BYSL: variants seen among roughly 807,000 people sequenced by gnomAD.
BYSL encodes the protein bystin.
In BYSL, 21 loss-of-function variants were observed where a neutral mutation model predicts 45.4. The ratio of observed to expected loss-of-function variants is 0.46; its 90% CI spans 0.33 to 0.67. The LOEUF is 0.67. Ranked by LOEUF, BYSL falls within the 30% of genes least tolerant of loss-of-function variation. The pLI, the probability that BYSL is intolerant of heterozygous loss-of-function variation, is 0.02. For synonymous variants in BYSL, 215 were observed against 231.3 expected (o/e 0.93, Z 0.64); for missense variants, 522 against 578.5 (o/e 0.90, Z 1.00).
intron 1 of BYSL, among the ~76,000 whole-genome samples, chr6:41,924,071 T>TC (rs1775529714): frequency 6.6e-6 from 1 of 151,826 alleles, no homozygotes; most frequent in South Asian, 2.1e-4. Flanking sequence ...TTATCTTTTT[T>TC]TTTTTTTTGA....
At chr6:41,919,929 C>T (rs1775416581), upstream of BYSL, among the ~76,000 whole-genome samples, 1 of 152,130 alleles carries the variant, frequency 6.6e-6, no homozygotes, top group Non-Finnish European at 1.5e-5. Context: ...ACCTGGGCTA[C>T]CAGGAGGAAA....
the BYSL span, among the ~76,000 whole-genome samples, chr6:41,912,287 C>A: frequency 2.1e-5 from 3 of 145,964 alleles, no homozygotes; most frequent in African/African-American, 7.7e-5. Context: ...GCAATCCTCT[C>A]ACCTCTACCT....
chr6:41,909,585 C>T, the BYSL span: 52 of 1,581,708 alleles, frequency 3.3e-5, no homozygotes, highest in Non-Finnish European at 4.3e-5. Flanking sequence ...AGAGTAGAGT[C>T]AAATGACTCC....
chr6:41,921,664 GGA>G lies in BYSL; in HGVS notation c.105_106del (p.Lys36AlafsTer64). On this transcript the variant is annotated frameshift_variant, in exon 1 of 7. Transcript: ENST00000230340. LOFTEE classifies it high-confidence loss of function. ...GGAATGCGGTGCGGGCGGGGGTCCG[GGA>G]GAAGCGGCGGGGTCGCGGGACAGGA... Reference protein sequence around the residue: ...AGNAVRAGVREKRRGRGTGEA... With the variant: ...AGNAVRAGVRXKRRGRGTGEA... 1 of 1,613,632 alleles carries G rather than the reference GGA, an allele frequency of 6.2e-7. No individual in the cohort carries two copies. Among genetic ancestry groups the G allele is most frequent in the Non-Finnish European group, 8.5e-7 (1 of 1,179,858 alleles).
chr6:41,924,974 A>G (rs1376942153), intron 1 of BYSL, among the ~76,000 whole-genome samples: 1 of 152,192 alleles, frequency 6.6e-6, no homozygotes, highest in African/African-American at 2.4e-5. Context: ...AGTACCTCCC[A>G]GGCTTAGCAT....
chr6:41,912,663 C>A, the BYSL span, among the ~76,000 whole-genome samples: 1 of 151,992 alleles, frequency 6.6e-6, no homozygotes, highest in Non-Finnish European at 1.5e-5. Context: ...AGACGACAAT[C>A]GTATTTTCTA....
At chr6:41,931,334 T>A (rs1304798752) in intron 4 of BYSL, 62 bp from the exon 5 acceptor site, 160 of 1,582,254 alleles carry the variant, frequency 1.0e-4, no homozygotes, top group Non-Finnish European at 1.3e-4. Flanking sequence ...ATGGTGATAT[T>A]TAATGGGCCG....
chr6:41,928,113 C>G (rs1365351605), intron 2 of BYSL, among the ~76,000 whole-genome samples: 2 of 152,184 alleles, frequency 1.3e-5, no homozygotes, highest in Non-Finnish European at 2.9e-5. Flanking sequence ...TGCCCCTAGT[C>G]AGGACCACTA....
chr6:41,909,006 G>A, the BYSL span: 1 of 507,004 alleles, frequency 2.0e-6, no homozygotes, highest in Middle Eastern at 5.1e-4. Context: ...AACATAGTAA[G>A]ACCTCATTTC....
chr6:41,912,603 C>T, the BYSL span, among the ~76,000 whole-genome samples: 6 of 152,040 alleles, frequency 3.9e-5, no homozygotes, highest in East Asian at 7.8e-4. Flanking sequence ...GTGATCTGCC[C>T]GCCTCGGCCT....
At chr6:41,926,496 G>C (rs13191700) in intron 1 of BYSL, among the ~76,000 whole-genome samples, 2 of 151,658 alleles carry the variant, frequency 1.3e-5, no homozygotes, top group East Asian at 3.9e-4. Flanking sequence ...TTGTCACCAG[G>C]CTGGAGTGCA....
chr6:41,917,217 T>C (rs1167078433), upstream of BYSL, among the ~76,000 whole-genome samples: 1 of 151,892 alleles, frequency 6.6e-6, no homozygotes, highest in Non-Finnish European at 1.5e-5. Context: ...CTGGCCAACA[T>C]GGTGAAACCC....
chr6:41,926,976 C>A (rs1582072445), intron 1 of BYSL, among the ~76,000 whole-genome samples: 1 of 151,554 alleles, frequency 6.6e-6, no homozygotes, highest in Non-Finnish European at 1.5e-5. Context: ...TGCCTGTAGT[C>A]CCAGCTGCTT....
chr6:41,909,460 G>C, the BYSL span: 1 of 1,614,246 alleles, frequency 6.2e-7, no homozygotes, highest in Non-Finnish European at 8.5e-7. Flanking sequence ...TTCTCAAAGA[G>C]GGCGAAACAG....
intron 2 of BYSL, 83 bp from the exon 3 acceptor site, chr6:41,930,047 CTG>C: frequency 6.5e-7 from 1 of 1,544,366 alleles, no homozygotes; most frequent in Admixed American, 1.7e-5. Flanking sequence ...TCACAGGGGA[CTG>C]TGGGGAGTCT....
chr6:41,917,446 G>A (rs889655733), upstream of BYSL: 1 of 202,562 alleles, frequency 4.9e-6, no homozygotes, highest in African/African-American at 2.4e-5. Context: ...TAGTTAGAGT[G>A]GGGAAGAGTA....
intron 2 of BYSL, among the ~76,000 whole-genome samples, chr6:41,929,635 A>C (rs1179452880): frequency 1.3e-5 from 2 of 152,270 alleles, no homozygotes; most frequent in Non-Finnish European, 2.9e-5. Flanking sequence ...GGAGGCTGAA[A>C]AGAATATAAT....
upstream of BYSL, chr6:41,916,782 G>A (rs767311771): frequency 6.2e-7 from 1 of 1,613,776 alleles, no homozygotes; most frequent in South Asian, 1.1e-5. Context: ...CCATCTCACT[G>A]ACCTTGGCTG....
chr6:41,909,016 C>A, the BYSL span: 1 of 517,378 alleles, frequency 1.9e-6, no homozygotes, highest in Non-Finnish European at 3.4e-6. Context: ...GACCTCATTT[C>A]TACTAAAAAA....
Sources: allele counts gnomAD v4.1 joint callset (sites outside exome capture counted in the v4.1 genomes callset), GRCh38; gene constraint gnomAD v4.1.1; transcripts MANE v1.5; gene names NCBI Gene and HGNC (gene_info 2026-07-23, HGNC 2026-07-21).